Variants in RARB observed in about 807,000 individuals in gnomAD.
RARB encodes the protein retinoic acid receptor beta, also known as HBV-activated protein.
RARB carries 17 observed loss-of-function variants against 51.9 expected under a neutral mutation model. The observed-to-expected ratio is 0.33, with a 90% CI of 0.22 to 0.49. The LOEUF is 0.49. Ranked by LOEUF, RARB falls within the 20% of genes least tolerant of loss-of-function variation. RARB has a pLI of 0.99. For synonymous variants in RARB, 215 were observed against 195.4 expected (o/e 1.10, Z -0.84); for missense variants, 369 against 550.8 (o/e 0.67, Z 3.30).
chr3:24,835,238 A>C lies in RARB; in HGVS notation c.-459+5835A>C, dbSNP rs2125327712. 1.3e-5 allele frequency among the ~76,000 whole-genome samples: 2 copies of C among 152,348 alleles called. 1 individual carries two copies. The highest frequency in any genetic ancestry group is 4.1e-4 in the South Asian group (2 of 4,830). ...CTCTTGTCTCAGTTTCACCTATGCCAATAAGTAAACATAGAAAAGATGGAA... is the reference window on the plus strand; with the variant it reads ...CTCTTGTCTCAGTTTCACCTATGCCCATAAGTAAACATAGAAAAGATGGAA... On this transcript the variant is annotated intron_variant, in intron 1 of 11. Coordinates refer to the RARB transcript ENST00000383772.
intron 5 of RARB, among the ~76,000 whole-genome samples, chr3:25,398,077 T>A (rs1434874097): frequency 6.6e-6 from 1 of 152,164 alleles, no homozygotes; most frequent in Non-Finnish European, 1.5e-5. Flanking sequence ...TATTTTTACA[T>A]GAAATTTGTT....
At chr3:25,554,396 C>T (rs756948308) in intron 3 of RARB, among the ~76,000 whole-genome samples, 8 of 151,888 alleles carry the variant, frequency 5.3e-5, no homozygotes, top group African/African-American at 9.7e-5. Context: ...AGGTTAAACC[C>T]GGCCCACTGC....
At chr3:25,254,755 A>T (rs1347041079) in intron 5 of RARB, among the ~76,000 whole-genome samples, 3 of 152,126 alleles carry the variant, frequency 2.0e-5, no homozygotes, top group African/African-American at 7.2e-5. Context: ...GGGGAGATAA[A>T]AGAAAATGAA....
intron 5 of RARB, among the ~76,000 whole-genome samples, chr3:25,421,213 G>T (rs1707849014): frequency 6.6e-6 from 1 of 151,778 alleles, no homozygotes. Context: ...TTCTCTTAGA[G>T]AACTTGCCCT....
chr3:25,094,281 C>A (rs1224225429), intron 3 of RARB, among the ~76,000 whole-genome samples: 1 of 152,168 alleles, frequency 6.6e-6, no homozygotes, highest in Non-Finnish European at 1.5e-5. Flanking sequence ...TTCTCCATAT[C>A]ATTGGGTGAT....
chr3:25,045,704 TCA>T (rs1698201634), intron 2 of RARB, among the ~76,000 whole-genome samples: 1 of 152,234 alleles, frequency 6.6e-6, no homozygotes, highest in Non-Finnish European at 1.5e-5. Flanking sequence ...AATACAAAAT[TCA>T]TTGTTAAGGA....
intron 2 of RARB, among the ~76,000 whole-genome samples, chr3:24,926,581 A>G (rs1335639822): frequency 6.6e-6 from 1 of 152,068 alleles, no homozygotes; most frequent in African/African-American, 2.4e-5. Context: ...AGGATGAGCT[A>G]GTGATGCTTC....
At chr3:25,503,033 T>C (rs905712602) in intron 3 of RARB, among the ~76,000 whole-genome samples, 1 of 152,186 alleles carries the variant, frequency 6.6e-6, no homozygotes. Context: ...CAGGAAAGCA[T>C]CCTGCATGTG....
At chr3:25,259,007 T>A (rs77754376) in intron 5 of RARB, 16,418 of 984,550 alleles carry the variant, frequency 0.017, 131 homozygotes, top group Non-Finnish European at 0.019. Flanking sequence ...CCATAGTATA[T>A]GGTGTCTGAG....
At chr3:25,145,842 A>G (rs773816612) in intron 4 of RARB, among the ~76,000 whole-genome samples, 13 of 176 alleles carry the variant, frequency 0.074, no homozygotes, top group Admixed American at 0.5. Context: ...CTAAAAATAC[A>G]AAAAAAAATA....
At chr3:25,250,329 G>A (rs115446787) in intron 5 of RARB, among the ~76,000 whole-genome samples, 64 of 152,292 alleles carry the variant, frequency 4.2e-4, no homozygotes, top group African/African-American at 1.5e-3. Flanking sequence ...GCACTGGCTA[G>A]GGTAGACAGG....
chr3:24,971,651 A>G (rs552935762), intron 2 of RARB, among the ~76,000 whole-genome samples: 1 of 152,180 alleles, frequency 6.6e-6, no homozygotes, highest in Non-Finnish European at 1.5e-5. Flanking sequence ...TTTAAAAAGG[A>G]CTGACAAAGG....
At chr3:24,995,794 T>C (rs1385385855) in intron 2 of RARB, among the ~76,000 whole-genome samples, 1 of 152,124 alleles carries the variant, frequency 6.6e-6, no homozygotes, top group Admixed American at 6.6e-5. Context: ...ACCATCCTTG[T>C]ATCCCTGGGA....
intron 2 of RARB, among the ~76,000 whole-genome samples, chr3:24,958,249 G>C (rs1413840168): frequency 1.1e-5 from 1 of 92,228 alleles, no homozygotes; most frequent in African/African-American, 3.3e-5. Flanking sequence ...TTCCTGAGCT[G>C]CTCAGGTTTT....
At chr3:25,228,212 T>C (rs1208884338) in intron 5 of RARB, among the ~76,000 whole-genome samples, 1 of 120,284 alleles carries the variant, frequency 8.3e-6, no homozygotes, top group Non-Finnish European at 1.7e-5. Flanking sequence ...ATGGTGACTT[T>C]GAGGGTTTTT....
intron 2 of RARB, among the ~76,000 whole-genome samples, chr3:24,938,379 A>G (rs1695589218): frequency 6.6e-6 from 1 of 152,138 alleles, no homozygotes. Flanking sequence ...TCTGAGAGCC[A>G]TGTTCCCATT....
chr3:24,915,428 A>G (rs1695086000), intron 2 of RARB, among the ~76,000 whole-genome samples: 1 of 152,076 alleles, frequency 6.6e-6, no homozygotes, highest in African/African-American at 2.4e-5. Context: ...CTTACAGTAT[A>G]TCTCAATTCT....
At chr3:25,457,570 T>A (rs191521175) in intron 1 of RARB, among the ~76,000 whole-genome samples, 16 of 152,338 alleles carry the variant, frequency 1.1e-4, no homozygotes, top group Admixed American at 2.0e-4. Context: ...AAAGATCCAA[T>A]CTTTGTAAAA....
chr3:25,079,291 A>G (rs566681934), intron 3 of RARB, among the ~76,000 whole-genome samples: 2 of 152,254 alleles, frequency 1.3e-5, no homozygotes, highest in Non-Finnish European at 2.9e-5. Context: ...CTTGTAATGG[A>G]CAAATCATAG....
Sources: allele counts gnomAD v4.1 joint callset (sites outside exome capture counted in the v4.1 genomes callset), GRCh38; gene constraint gnomAD v4.1.1; transcripts MANE v1.5; gene names NCBI Gene and HGNC (gene_info 2026-07-23, HGNC 2026-07-21).